The following GPM6A variants were observed in gnomAD, a reference collection of about 807,000 sequenced individuals.
The protein encoded by GPM6A is glycoprotein M6A.
GPM6A carries 7 observed loss-of-function variants against 32.1 expected under a neutral mutation model. The observed-to-expected ratio is 0.22, with a 90% CI of 0.12 to 0.41. GPM6A has a LOEUF of 0.41. Ranked by LOEUF, GPM6A falls within the 10% of genes least tolerant of loss-of-function variation. The pLI, the probability that GPM6A is intolerant of heterozygous loss-of-function variation, is 1.00. For missense variants in GPM6A, 235 were observed against 347.2 expected (o/e 0.68, Z 2.57); for synonymous variants, 130 against 123.4 (o/e 1.05, Z -0.35).
At chr4:175,942,939 G>C (rs1006437588) in intron 1 of GPM6A, among the ~76,000 whole-genome samples, 3 of 152,056 alleles carry the variant, frequency 2.0e-5, no homozygotes, top group Admixed American at 2.0e-4. Context: ...TATCTTGATG[G>C]AGATAGCATT....
chr4:175,903,058 GAATATT>G (rs750498595), intron 1 of GPM6A, among the ~76,000 whole-genome samples: 53 of 152,214 alleles, frequency 3.5e-4, no homozygotes, highest in Non-Finnish European at 5.9e-4. Flanking sequence ...CTTGGTTTCT[GAATATT>G]AATCTTCACT....
intron 1 of GPM6A, among the ~76,000 whole-genome samples, chr4:175,743,984 G>A (rs1264747969): frequency 2.7e-5 from 4 of 149,740 alleles, no homozygotes; most frequent in Non-Finnish European, 5.9e-5. Context: ...AAAAGGTCAA[G>A]AAGGCTATAG....
At chr4:175,819,567 C>T (rs1363835821) in intron 1 of GPM6A, among the ~76,000 whole-genome samples, 1 of 152,134 alleles carries the variant, frequency 6.6e-6, no homozygotes, top group East Asian at 1.9e-4. Flanking sequence ...ACCACAACAG[C>T]CCTGTCAGGT....
At chr4:175,860,421 C>A (rs1736540122) in intron 1 of GPM6A, among the ~76,000 whole-genome samples, 1 of 152,104 alleles carries the variant, frequency 6.6e-6, no homozygotes, top group Non-Finnish European at 1.5e-5. Flanking sequence ...ATGAACAATT[C>A]TATGCCCTCA....
intron 1 of GPM6A, among the ~76,000 whole-genome samples, chr4:175,778,222 G>T (rs895438220): frequency 6.6e-6 from 1 of 152,164 alleles, no homozygotes; most frequent in Admixed American, 6.5e-5. Context: ...GAAGCATTTA[G>T]ATTTAGGCTA....
chr4:175,811,907 A>G, intron 1 of GPM6A: 1 of 262,656 alleles, frequency 3.8e-6, no homozygotes, highest in Non-Finnish European at 7.1e-6. Context: ...AAATAAATGA[A>G]GGTTAACAAA....
intron 1 of GPM6A, among the ~76,000 whole-genome samples, chr4:175,900,336 AGG>A (rs1737922775): frequency 6.8e-6 from 1 of 147,000 alleles, no homozygotes; most frequent in African/African-American, 2.5e-5. Flanking sequence ...AGGAAAGGAA[AGG>A]AAAGGAAAGG....
intron 1 of GPM6A, among the ~76,000 whole-genome samples, chr4:175,714,786 T>C (rs1745750248): frequency 2.0e-5 from 3 of 152,032 alleles, no homozygotes; most frequent in Admixed American, 2.0e-4. Flanking sequence ...TTTTAAGAAA[T>C]ATATTACTAA....
intron 1 of GPM6A, among the ~76,000 whole-genome samples, chr4:175,819,901 A>C (rs1390023544): frequency 6.6e-6 from 1 of 150,554 alleles, no homozygotes; most frequent in Non-Finnish European, 1.5e-5. Context: ...AGTTGAAGAA[A>C]TGATTCTCAT....
At chr4:175,771,045 G>A (rs550379746) in intron 1 of GPM6A, among the ~76,000 whole-genome samples, 9 of 152,076 alleles carry the variant, frequency 5.9e-5, no homozygotes, top group South Asian at 2.1e-4. Flanking sequence ...ATGCCTCTTC[G>A]TTCCTCTGTA....
intron 1 of GPM6A, chr4:175,970,958 G>A (rs552443513): frequency 5.1e-5 from 23 of 452,378 alleles, no homozygotes; most frequent in South Asian, 2.5e-4. Context: ...GGACGCCAGA[G>A]CCTGTGCTTG....
chr4:175,956,441 CTTTTT>C (rs1436401455), intron 1 of GPM6A, among the ~76,000 whole-genome samples: 1 of 152,098 alleles, frequency 6.6e-6, no homozygotes, highest in African/African-American at 2.4e-5. Context: ...TTAATCTCTT[CTTTTT>C]ATTTGTTTAT....
At chr4:175,996,884 C>T (rs992449571) in intron 1 of GPM6A, among the ~76,000 whole-genome samples, 18 of 152,090 alleles carry the variant, frequency 1.2e-4, no homozygotes, top group African/African-American at 4.1e-4. Flanking sequence ...CTGCTCCTCA[C>T]ATCAAGGAAA....
intron 1 of GPM6A, among the ~76,000 whole-genome samples, chr4:175,909,538 G>A (rs1403836334): frequency 1.3e-5 from 2 of 152,178 alleles, no homozygotes; most frequent in Admixed American, 6.6e-5. Context: ...GAAAGAAGCC[G>A]TGATTCCTAC....
intron 1 of GPM6A, among the ~76,000 whole-genome samples, chr4:175,983,232 A>G (rs562570336): frequency 9.8e-5 from 15 of 152,358 alleles, no homozygotes; most frequent in Admixed American, 9.1e-4. Flanking sequence ...TGATTATTGC[A>G]TAACGTATCA....
chr4:175,736,211 T>G (rs1000127537), intron 1 of GPM6A, among the ~76,000 whole-genome samples: 2 of 152,078 alleles, frequency 1.3e-5, no homozygotes, highest in African/African-American at 4.8e-5. Context: ...AGATGGCATC[T>G]TGCTATGTTG....
At chr4:175,812,546 G>C (rs974546003), upstream of GPM6A, 8 of 1,063,210 alleles carry the variant, frequency 7.5e-6, no homozygotes, top group Non-Finnish European at 9.1e-6. Flanking sequence ...TGAGAATTTT[G>C]GGGGGAAATT....
intron 1 of GPM6A, among the ~76,000 whole-genome samples, chr4:175,745,167 C>T (rs1008771411): frequency 5.3e-5 from 8 of 151,996 alleles, no homozygotes; most frequent in African/African-American, 1.9e-4. Context: ...TTACAGCATA[C>T]ACAAAATATT....
intron 1 of GPM6A, among the ~76,000 whole-genome samples, chr4:175,875,726 C>T (rs897661477): frequency 5.9e-5 from 9 of 152,088 alleles, no homozygotes; most frequent in South Asian, 2.1e-4. Context: ...TATAACATGA[C>T]GTTTTTCCCA....
Sources: allele counts gnomAD v4.1 joint callset (sites outside exome capture counted in the v4.1 genomes callset), GRCh38; gene constraint gnomAD v4.1.1; transcripts MANE v1.5; gene names NCBI Gene and HGNC (gene_info 2026-07-23, HGNC 2026-07-21).